The following ATP9A variants were observed in gnomAD, a reference collection of about 807,000 sequenced individuals.
ATP9A encodes probable phospholipid-transporting ATPase IIA.
In ATP9A, 52 loss-of-function variants were observed where a neutral mutation model predicts 144.1. That is an observed-to-expected ratio of 0.36 (90% confidence interval 0.29 to 0.45). ATP9A has a LOEUF of 0.45. Ranked by LOEUF, ATP9A falls within the 20% of genes least tolerant of loss-of-function variation. The probability of loss-of-function intolerance (pLI) is 1.00; values close to 1 mark genes in which losing one functional copy is unlikely to be tolerated. For missense variants in ATP9A, 947 were observed against 1,392.7 expected, an observed-to-expected ratio of 0.68 and a Z score of 5.09; for synonymous variants, 582 against 557.4, an observed-to-expected ratio of 1.04 and a Z score of -0.62.
At chr20:51,631,543 C>T (rs898936369) in intron 15 of ATP9A, among the ~76,000 whole-genome samples, 7 of 152,170 alleles carry the variant, frequency 4.6e-5, no homozygotes, top group African/African-American at 1.7e-4. Flanking sequence ...TCAACGATCC[C>T]CTCCCATGAG....
At chr20:51,649,410 T>C (rs2063208457) in intron 14 of ATP9A, among the ~76,000 whole-genome samples, 1 of 152,114 alleles carries the variant, frequency 6.6e-6, no homozygotes, top group Non-Finnish European at 1.5e-5. Context: ...ATCTACAAAA[T>C]GGGCACAATC....
At chr20:51,764,404 A>T (rs2077894940) in intron 1 of ATP9A, among the ~76,000 whole-genome samples, 1 of 152,232 alleles carries the variant, frequency 6.6e-6, no homozygotes, top group Non-Finnish European at 1.5e-5. Context: ...CCATTTCAAA[A>T]GTTTTCTCAA....
chr20:51,742,554 G>C (rs183217830), intron 1 of ATP9A, among the ~76,000 whole-genome samples: 483 of 151,516 alleles, frequency 3.2e-3, no homozygotes, highest in African/African-American at 8.7e-3. Flanking sequence ...TCTTGCTGTC[G>C]CCCAGGCTGG....
At chr20:51,718,554 ACACCTGTAATCCCAG>A (rs2122857826) in intron 3 of ATP9A, among the ~76,000 whole-genome samples, 1 of 152,094 alleles carries the variant, frequency 6.6e-6, no homozygotes, top group East Asian at 1.9e-4. Flanking sequence ...TCGAGCGCTC[ACACCTGTAATCCCAG>A]CACTTTGGGA....
chr20:51,619,580 G>C (rs1001351855), intron 19 of ATP9A, among the ~76,000 whole-genome samples: 25 of 145,570 alleles, frequency 1.7e-4, no homozygotes, highest in East Asian at 8.3e-4. Context: ...AAAAAAAGGG[G>C]GGGGGGGGCC....
At chr20:51,726,424 G>A (rs1232580885) in intron 2 of ATP9A, among the ~76,000 whole-genome samples, 1 of 151,728 alleles carries the variant, frequency 6.6e-6, no homozygotes, top group East Asian at 1.9e-4. Context: ...ACATACATGG[G>A]TAATAAAAGT....
At chr20:51,608,739 T>G (rs1157152647) in intron 24 of ATP9A, 113 bp from the exon 25 acceptor site, 1 of 711,490 alleles carries the variant, frequency 1.4e-6, no homozygotes, top group Non-Finnish European at 2.5e-6. Context: ...ATTTACTGCT[T>G]GTCTATTATG....
chr20:51,674,246 G>A lies in ATP9A; in HGVS notation c.944C>T (p.Ser315Leu), dbSNP rs768393358. The A allele has an allele frequency of 9.9e-6, 16 of 1,613,920 alleles. No homozygotes were observed. Among genetic ancestry groups the A allele is most frequent in the Middle Eastern group, 1.6e-4 (1 of 6,062 alleles). The part of the protein sequence containing the change: ...KILFGALVVV[S>L]LVMVALQHFA... ...GTGCTGAAGGGCAACCATGACCAGC[G>A]AGACCACCACCAGGGCACCAAAGAG... The change falls in exon 11 of 28, where the codon TCG becomes TTG. Residue 315 changes from serine (S) to leucine (L), a missense_variant. Transcript: ENST00000338821.
At chr20:51,705,672 T>C (rs140461393) in intron 4 of ATP9A, among the ~76,000 whole-genome samples, 115 of 152,322 alleles carry the variant, frequency 7.5e-4, no homozygotes, top group African/African-American at 2.6e-3. Context: ...TGAACACCCA[T>C]GGAATTCATC....
chr20:51,617,006 A>G (rs2122718363), intron 22 of ATP9A, among the ~76,000 whole-genome samples: 1 of 150,618 alleles, frequency 6.6e-6, no homozygotes, highest in East Asian at 1.9e-4. Flanking sequence ...CAGTGGCGCA[A>G]TCTCGGCTTA....
At chr20:51,656,837 C>T in intron 14 of ATP9A, 101 bp downstream of exon 14, 1 of 1,094,190 alleles carries the variant, frequency 9.1e-7, no homozygotes, top group Non-Finnish European at 1.3e-6. Flanking sequence ...ATCCTGGCTC[C>T]TGTCTGCCCT....
At chr20:51,635,869 G>C (rs1273092877) in intron 15 of ATP9A, among the ~76,000 whole-genome samples, 1 of 125,114 alleles carries the variant, frequency 8.0e-6, no homozygotes, top group Admixed American at 8.3e-5. Context: ...GGAAGGGAGG[G>C]AGGGAGGGAG....
intron 17 of ATP9A, among the ~76,000 whole-genome samples, chr20:51,625,582 A>G (rs970637297): frequency 6.6e-6 from 1 of 151,750 alleles, no homozygotes; most frequent in African/African-American, 2.4e-5. Flanking sequence ...TACACTCCAC[A>G]CTCACCTGCT....
rs138665384 is a variant in ATP9A, at chr20:51,618,704, G to A, written c.2308C>T (p.Arg770Cys). ...TTGCCCGTGCGCTCCTGAAGCAGGC[G>A]CACGATCTGGGCCTTCTGGGTGGGG... The part of the protein sequence containing the change: ...CAPTQKAQIV[R>C]LLQERTGKLT... The change falls in exon 21 of 28, where the codon CGC (arginine) becomes TGC (cysteine). Residue 770 changes from arginine to cysteine, a missense_variant. Transcript: ENST00000338821. 83 of 1,613,434 alleles carry A rather than the reference G, an allele frequency of 5.1e-5. No individual in the cohort carries two copies. The highest frequency in any genetic ancestry group is 6.5e-5 in the Non-Finnish European group (77 of 1,179,878).
At chr20:51,739,348 TC>T (rs2077775408) in intron 1 of ATP9A, among the ~76,000 whole-genome samples, 1 of 145,222 alleles carries the variant, frequency 6.9e-6, no homozygotes, top group Non-Finnish European at 1.5e-5. Context: ...CTACACTCAC[TC>T]TTTTTTTTTT....
chr20:51,723,988 G>C (rs973536861), intron 3 of ATP9A, among the ~76,000 whole-genome samples: 2 of 152,020 alleles, frequency 1.3e-5, no homozygotes, highest in African/African-American at 4.8e-5. Context: ...CTGGCCAACA[G>C]AGTGAAACCC....
intron 1 of ATP9A, among the ~76,000 whole-genome samples, chr20:51,731,719 C>CAA (rs59560813): frequency 1.2e-4 from 17 of 137,914 alleles, no homozygotes; most frequent in South Asian, 9.3e-4. Flanking sequence ...ACTCCATCTC[C>CAA]AAAAAAAAAA....
At chr20:51,654,386 C>T (rs533269085) in intron 14 of ATP9A, among the ~76,000 whole-genome samples, 3 of 152,126 alleles carry the variant, frequency 2.0e-5, no homozygotes, top group African/African-American at 7.2e-5. Context: ...ATCCCCCAAC[C>T]GCCAGGAACC....
intron 4 of ATP9A, among the ~76,000 whole-genome samples, chr20:51,712,727 A>G (rs187196867): frequency 1.1e-4 from 17 of 152,332 alleles, no homozygotes; most frequent in Non-Finnish European, 2.1e-4. Flanking sequence ...TTTATGACAC[A>G]TAAGTTATTT....
Sources: gnomAD v4.1 joint callset for allele counts (sites outside exome capture counted in the v4.1 genomes callset) on GRCh38, gnomAD v4.1.1 for gene constraint, MANE v1.5 for transcripts, NCBI Gene and HGNC (gene_info 2026-07-23, HGNC 2026-07-21) for gene names.